The following CRADD variants were observed in gnomAD, a reference collection of about 807,000 sequenced individuals.
CRADD encodes the protein CARD and death domain containing adaptor protein.
A neutral mutation model predicts 15.5 loss-of-function variants in CRADD; 9 were observed. The ratio of observed to expected loss-of-function variants is 0.58; its 90% CI spans 0.35 to 1.01. The LOEUF is 1.01. Among genes scored for constraint, CRADD ranks in the 50% least tolerant of loss-of-function variants. The pLI is 0.02. For synonymous variants in CRADD, 118 were observed against 107.6 expected (o/e 1.10, Z -0.60); for missense variants, 227 against 250.3 (o/e 0.91, Z 0.63).
At chr12:93,773,813 G>GTTTTTTTTT (rs3030268) in intron 2 of CRADD, among the ~76,000 whole-genome samples, 5 of 87,562 alleles carry the variant, frequency 5.7e-5, no homozygotes, top group Non-Finnish European at 8.1e-5. Context: ...TACTTTGTGA[G>GTTTTTTTTT]TTTTTTTTTT....
chr12:93,689,320 C>T (rs1215063000), intron 2 of CRADD, among the ~76,000 whole-genome samples: 2 of 152,254 alleles, frequency 1.3e-5, no homozygotes, highest in East Asian at 3.9e-4. Context: ...AACTTGTAGG[C>T]TGCTGTTATA....
chr12:93,877,070 G>A (rs976676601), intron 2 of CRADD, among the ~76,000 whole-genome samples: 1 of 152,238 alleles, frequency 6.6e-6, no homozygotes, highest in East Asian at 1.9e-4. Flanking sequence ...TAGACTCATA[G>A]AAGTACTGCC....
chr12:93,719,834 TC>T (rs1485175664), intron 2 of CRADD, among the ~76,000 whole-genome samples: 1 of 152,188 alleles, frequency 6.6e-6, no homozygotes, highest in Non-Finnish European at 1.5e-5. Flanking sequence ...TCTCCTTTTT[TC>T]TTAGCCTGTC....
intron 2 of CRADD, among the ~76,000 whole-genome samples, chr12:93,692,778 G>A (rs148969683): frequency 2.6e-5 from 4 of 152,258 alleles, no homozygotes; most frequent in African/African-American, 7.2e-5. Flanking sequence ...GGAAACGTAC[G>A]AAAGTATAAA....
At chr12:93,780,006 G>A (rs1205173362) in intron 2 of CRADD, among the ~76,000 whole-genome samples, 1 of 152,138 alleles carries the variant, frequency 6.6e-6, no homozygotes, top group African/African-American at 2.4e-5. Context: ...GGCGTAAACC[G>A]GTAAGAAAAT....
In CRADD at chr12:93,777,058, TA is replaced by T. The variant is rs1957147883; in HGVS notation, c.299-72906del. ...TGAATTTTATGTCATTAAAACTATTTAAAAAATAAGTGGTGGCAGAATGCAT... is the reference window on the plus strand; with the variant it reads ...TGAATTTTATGTCATTAAAACTATTTAAAAATAAGTGGTGGCAGAATGCAT... On this transcript the variant is annotated intron_variant, in intron 2 of 2. Transcript: ENST00000332896. Among the ~76,000 whole-genome samples, 15 of 152,280 alleles carry T rather than the reference TA, an allele frequency of 9.9e-5. No individual in the cohort carries two copies. In the South Asian group the frequency reaches 3.1e-3, roughly 32 times the overall value.
Position 93,712,512 on chromosome 12 carries a change from A to G in CRADD, c.298+33440A>G, listed in dbSNP as rs143587660. Among the ~76,000 whole-genome samples the G allele has an allele frequency of 3.9e-3, 592 of 152,334 alleles. 2 individuals carry two copies. The highest frequency in any genetic ancestry group is 6.9e-3 in the Non-Finnish European group (468 of 68,032). ...GAACAGGCCAGAAAAAACATTAGTA[A>G]CATTAAATTAAAGCTTGCGAAAGTT... On this transcript the variant is annotated intron_variant, in intron 2 of 2. Transcript: ENST00000332896.
chr12:93,690,228 C>G (rs1290547381), intron 2 of CRADD, among the ~76,000 whole-genome samples: 1 of 152,154 alleles, frequency 6.6e-6, no homozygotes, highest in Non-Finnish European at 1.5e-5. Context: ...ACCAGAATCA[C>G]CTGAAGTGGG....
At chr12:93,747,454 A>G (rs1028651071) in intron 2 of CRADD, among the ~76,000 whole-genome samples, 6 of 145,382 alleles carry the variant, frequency 4.1e-5, no homozygotes, top group African/African-American at 1.5e-4. Flanking sequence ...CTTCCTCTTA[A>G]TTTTTCTTCT....
At chr12:93,738,777 C>T (rs955489386) in intron 2 of CRADD, 9 of 228,426 alleles carry the variant, frequency 3.9e-5, no homozygotes, top group Non-Finnish European at 6.7e-5. Context: ...ATTAGTAAGT[C>T]ACAAACTCTG....
intron 2 of CRADD, among the ~76,000 whole-genome samples, chr12:93,761,194 C>G (rs186900347): frequency 7.0e-4 from 106 of 152,266 alleles, no homozygotes; most frequent in Admixed American, 3.1e-3. Flanking sequence ...CCAGGTGACT[C>G]TAATGTGAGT....
rs565036111 is a variant in CRADD at position 93,695,955 on chromosome 12, A to G, written c.298+16883A>G. Among the ~76,000 whole-genome samples the G allele has an allele frequency of 2.0e-5, 3 of 152,318 alleles. No individual in the cohort carries two copies. In the South Asian group the frequency reaches 6.2e-4, roughly 32 times the overall value. On this transcript the variant is annotated intron_variant, in intron 2 of 2. Coordinates refer to ENST00000332896, the MANE Select transcript of CRADD (RefSeq NM_003805.5). ...TGGGAACAGACATTTCTCAAAAGAC[A>G]TACAAATGGCCAACAGGTATATGAA... is the stretch of plus-strand genomic sequence containing the variant.
intron 2 of CRADD, among the ~76,000 whole-genome samples, chr12:93,743,099 T>G (rs917466934): frequency 6.6e-6 from 1 of 152,222 alleles, no homozygotes; most frequent in South Asian, 2.1e-4. Flanking sequence ...ATACCTAATA[T>G]TAAATTTAAT....
intron 2 of CRADD, among the ~76,000 whole-genome samples, chr12:93,751,827 C>A (rs987983222): frequency 3.9e-5 from 6 of 152,234 alleles, no homozygotes; most frequent in African/African-American, 1.4e-4. Context: ...CGTGCCACTG[C>A]ATTCCAGCCT....
chr12:93,738,508 C>A lies in CRADD; in HGVS notation c.298+59436C>A, dbSNP rs1000044670. On this transcript the variant is annotated intron_variant, in intron 2 of 2. Coordinates refer to ENST00000332896, the MANE Select transcript of CRADD (RefSeq NM_003805.5). ...CCCCTTCACTGGGACTGCAGCAACACTGACCAAAGCAAATCCTTCTCTTGG... is the reference window on the plus strand; with the variant it reads ...CCCCTTCACTGGGACTGCAGCAACAATGACCAAAGCAAATCCTTCTCTTGG... 5.7e-6 allele frequency: 4 copies of A among 701,004 alleles called. No homozygotes were observed. In the African/African-American group the frequency reaches 7.0e-5, roughly 12 times the overall value. 43.4% of individuals were successfully genotyped at this position (701,004 alleles called of 1,614,324 possible). A position where few individuals can be genotyped will look rare whatever the true frequency, so the allele number is the denominator to read the frequency against.
chr12:93,726,296 G>A (rs1956366386), intron 2 of CRADD, among the ~76,000 whole-genome samples: 1 of 151,834 alleles, frequency 6.6e-6, no homozygotes, highest in Non-Finnish European at 1.5e-5. Context: ...TAGAGATGGA[G>A]TTTCACCATA....
chr12:93,873,361 A>T (rs1958436054), intron 2 of CRADD, among the ~76,000 whole-genome samples: 1 of 152,168 alleles, frequency 6.6e-6, no homozygotes, highest in South Asian at 2.1e-4. Context: ...AAACAAGGAT[A>T]ATCTGACTTC....
intron 2 of CRADD, among the ~76,000 whole-genome samples, chr12:93,840,576 C>CT (rs1958035074): frequency 1.4e-5 from 2 of 143,166 alleles, no homozygotes; most frequent in Non-Finnish European, 3.1e-5. Flanking sequence ...TTTTTTTCTT[C>CT]TTTTTTTGAG....
rs1236272053 is a variant in CRADD, at chr12:93,726,151, C to T, written c.298+47079C>T. Reference sequence around the variant, plus strand: ...TGGAGTTTCACTTTTGTCACCCTGGCTGAGTGCAATGGTGCAATCTCGACT... The same window carrying T: ...TGGAGTTTCACTTTTGTCACCCTGGTTGAGTGCAATGGTGCAATCTCGACT... On this transcript the variant is annotated intron_variant, in intron 2 of 2. Transcript: ENST00000332896. Among the ~76,000 whole-genome samples, 10 of 126,480 alleles carry T rather than the reference C, an allele frequency of 7.9e-5. No homozygotes were observed. In the Admixed American group the frequency reaches 9.7e-4, roughly 12 times the overall value. The allele number at this position is 126,480 out of a possible 152,430, so 83.0% of individuals were successfully genotyped here.
Sources: gnomAD v4.1 joint callset for allele counts (sites outside exome capture counted in the v4.1 genomes callset) on GRCh38, gnomAD v4.1.1 for gene constraint, MANE v1.5 for transcripts, NCBI Gene and HGNC (gene_info 2026-07-23, HGNC 2026-07-21) for gene names.